GLB1L: variants seen among roughly 807,000 people sequenced by gnomAD.
GLB1L encodes beta-galactosidase-1-like protein.
GLB1L carries 58 observed loss-of-function variants against 75.7 expected under a neutral mutation model. That is an observed-to-expected ratio of 0.77 (90% CI 0.62 to 0.95). GLB1L has a LOEUF of 0.95. Ranked by LOEUF, GLB1L falls within the 40% of genes least tolerant of loss-of-function variation. The probability of loss-of-function intolerance (pLI) is 0.00; values close to 1 mark genes in which losing one functional copy is unlikely to be tolerated. For synonymous variants in GLB1L, 296 were observed against 303.0 expected (o/e 0.98, Z 0.24); for missense variants, 797 against 805.5 (o/e 0.99, Z 0.13).
At chr2:219,241,412 A>ATGTG (rs745647003) in intron 5 of GLB1L, among the ~76,000 whole-genome samples, 1 of 102,578 alleles carries the variant, frequency 9.7e-6, no homozygotes, top group Non-Finnish European at 1.9e-5. Flanking sequence ...ATATATATAT[A>ATGTG]TGTGTGTGTG....
At chr2:219,238,097 C>T (rs1172521476) in intron 14 of GLB1L, 140 bp from the exon 15 acceptor site, 2 of 1,059,640 alleles carry the variant, frequency 1.9e-6, no homozygotes, top group Non-Finnish European at 2.8e-6. Flanking sequence ...GAATTCTATC[C>T]TTAATCAAAC....
At chr2:219,243,008 G>T (rs1019346519) in intron 3 of GLB1L, 90 bp from the exon 4 acceptor site, 1 of 1,573,968 alleles carries the variant, frequency 6.4e-7, no homozygotes, top group South Asian at 1.1e-5. Context: ...TCCAGGAAGC[G>T]GTTGGAAGGA....
chr2:219,241,336 G>A (rs1441014237), intron 5 of GLB1L, among the ~76,000 whole-genome samples: 1 of 150,458 alleles, frequency 6.6e-6, no homozygotes, highest in Non-Finnish European at 1.5e-5. Context: ...CCGAGATTGC[G>A]CCACTGCACT....
intron 9 of GLB1L, 45 bp from the exon 10 acceptor site, chr2:219,239,496 GA>G (rs770989953): frequency 1.9e-5 from 31 of 1,612,826 alleles, no homozygotes; most frequent in Non-Finnish European, 2.4e-5. Context: ...CTGACTCACT[GA>G]ATCTTAACTT....
At position 219,245,266 on chromosome 2, in the gene GLB1L, GC is replaced by G. The variant is rs1951500688; in HGVS notation, c.-109del. ...GAGATGGAGGTCCTGGGGGCCTCGG[GC>G]CGAGCCCGGCTTTGCTCCCCTTTGG... On this transcript the variant is annotated 5_prime_UTR_variant, in exon 1 of 17. Coordinates refer to ENST00000295759, the MANE Select transcript of GLB1L (RefSeq NM_001286423.2). 6.6e-6 allele frequency: 1 copy of G among 152,434 alleles called. No homozygotes were observed. The highest frequency in any genetic ancestry group is 1.5e-5 in the Non-Finnish European group (1 of 68,182). 9.4% of individuals were successfully genotyped at this position (152,434 alleles called of 1,614,324 possible).
At position 219,243,175 on chromosome 2, in the gene GLB1L, C is replaced by T; in HGVS notation, c.212G>A (p.Arg71Gln). ...VLWADRLLKM[R>Q]WSGLNAIQFY... ...CTGTATGGCGTTGAGGCCGCTCCAT[C>T]GCATCTTCAAAAGCCGGTCGGCCCA... The change falls in exon 3 of 17, where the codon CGA becomes CAA. Residue 71 changes from arginine to glutamine, a missense_variant. Coordinates refer to ENST00000295759, the MANE Select transcript of GLB1L (RefSeq NM_001286423.2). The T allele has an allele frequency of 6.2e-7, 1 of 1,612,826 alleles. No individual in the cohort carries two copies. The highest frequency in any genetic ancestry group is 8.5e-7 in the Non-Finnish European group (1 of 1,179,356).
chr2:219,239,088 G>A lies in GLB1L; in HGVS notation c.1062+4C>T, dbSNP rs1359157810. On this transcript the variant is annotated splice_donor_region_variant and intron_variant, in intron 11 of 16. Transcript: ENST00000295759. ...CTTTGGAGCTTAATGAAATGGTAGG[G>A]TACCTTGCTGATGACATCTCGAAGA... 2 of 1,572,676 alleles carry A rather than the reference G, an allele frequency of 1.3e-6. No individual in the cohort carries two copies. Among genetic ancestry groups the A allele is most frequent in the Non-Finnish European group, 1.7e-6 (2 of 1,143,170 alleles).
Position 219,243,538 on chromosome 2 carries a change from C to G in GLB1L, c.36G>C (p.Leu12=), listed in dbSNP as rs1224895195. ...GTAGCGTCAGGCTGAGCGGCAGCAGCAGGGAACGAAGGCAGGACAGCTTCT... is the reference window on the plus strand; with the variant it reads ...GTAGCGTCAGGCTGAGCGGCAGCAGGAGGGAACGAAGGCAGGACAGCTTCT... ...APKKLSCLRS[L]LLPLSLTLLL... Residue 12 remains leucine (L), a synonymous_variant, in exon 2 of 17, where the codon CTG becomes CTC. Transcript: ENST00000295759. 5.6e-6 allele frequency: 9 copies of G among 1,614,108 alleles called. No homozygotes were observed. The highest frequency in any genetic ancestry group is 1.3e-5 in the African/African-American group (1 of 74,944).
intron 11 of GLB1L, 25 bp from the exon 12 acceptor site, chr2:219,238,804 C>T: frequency 6.3e-7 from 1 of 1,592,676 alleles, no homozygotes; most frequent in Non-Finnish European, 8.6e-7. Flanking sequence ...TCTCAGGATC[C>T]ATAGGAAAAC....
In GLB1L at chr2:219,236,863, C is replaced by CA. The variant is rs575634470; in HGVS notation, c.*208dup. Reference sequence around the variant, plus strand: ...CACTGCAACCTCTGCCTCCTGGATTCAAGCAATTCTCCTGCCCTCAGCCTC... The same window carrying CA: ...CACTGCAACCTCTGCCTCCTGGATTCAAAGCAATTCTCCTGCCCTCAGCCTC... On this transcript the variant is annotated 3_prime_UTR_variant, in exon 17 of 17. Coordinates refer to ENST00000295759, the MANE Select transcript of GLB1L (RefSeq NM_001286423.2). 84 of 410,952 alleles carry CA rather than the reference C, an allele frequency of 2.0e-4. 1 individual carries two copies. The South Asian group carries it at 2.5e-3, about 12-fold the overall frequency. The allele number at this position is 410,952 out of a possible 1,614,324, so 25.5% of individuals were successfully genotyped here. A position where few individuals can be genotyped will look rare whatever the true frequency, so the allele number is the denominator to read the frequency against.
intron 11 of GLB1L, 49 bp downstream of exon 11, chr2:219,239,039 CCCTT>C (rs1951322092): frequency 1.6e-6 from 2 of 1,264,134 alleles, no homozygotes; most frequent in Non-Finnish European, 2.3e-6. Flanking sequence ...TGTGGGCACT[CCCTT>C]CCTCCAAATT....
Position 219,243,524 on chromosome 2 carries a change from C to T in GLB1L, c.50G>A (p.Ser17Asn). ...TACCTGGGGCAGCAGTAGCGTCAGGCTGAGCGGCAGCAGCAGGGAACGAAG... is the reference window on the plus strand; with the variant it reads ...TACCTGGGGCAGCAGTAGCGTCAGGTTGAGCGGCAGCAGCAGGGAACGAAG... ...SCLRSLLLPLSLTLLLPQADT... is the reference protein window; with the variant it reads ...SCLRSLLLPLNLTLLLPQADT... Residue 17 changes from serine to asparagine, a missense_variant, in exon 2 of 17, where the codon AGC (serine) becomes AAC (asparagine). Coordinates refer to ENST00000295759, the MANE Select transcript of GLB1L (RefSeq NM_001286423.2). The T allele has an allele frequency of 1.2e-6, 2 of 1,614,250 alleles. No individual in the cohort carries two copies. The highest frequency in any genetic ancestry group is 1.7e-6 in the Non-Finnish European group (2 of 1,180,046).
intron 16 of GLB1L, 65 bp from the exon 17 acceptor site, chr2:219,237,412 C>T (rs1470917783): frequency 1.7e-5 from 27 of 1,598,434 alleles, no homozygotes; most frequent in Non-Finnish European, 2.2e-5. Flanking sequence ...TAGAATCATA[C>T]CCTTTTGGGT....
intron 5 of GLB1L, 36 bp downstream of exon 5, chr2:219,242,478 A>T: frequency 6.6e-7 from 1 of 1,521,062 alleles, no homozygotes; most frequent in Non-Finnish European, 9.1e-7. Flanking sequence ...CATTTTACTT[A>T]CTTGCTTCTG....
Position 219,243,376 on chromosome 2 carries a change from T to C in GLB1L, c.73-62A>G. ...GGAGGGAGCGTCGAGGGTCAGCGCC[T>C]GCCAAGAGCGGAAGAGATGGAACTA... On this transcript the variant is annotated intron_variant, in intron 2 of 16. Coordinates refer to ENST00000295759, the MANE Select transcript of GLB1L (RefSeq NM_001286423.2). 3.1e-6 allele frequency: 5 copies of C among 1,591,446 alleles called. No individual in the cohort carries two copies. In the Admixed American group the frequency reaches 6.8e-5, roughly 22 times the overall value.
intron 2 of GLB1L, 71 bp downstream of exon 2, chr2:219,243,431 G>C: frequency 6.2e-7 from 1 of 1,602,062 alleles, no homozygotes; most frequent in Non-Finnish European, 8.6e-7. Flanking sequence ...TGTTACTTTG[G>C]ACTTTCTCTC....
chr2:219,239,376 TC>T, intron 10 of GLB1L, 34 bp downstream of exon 10: 1 of 1,562,132 alleles, frequency 6.4e-7, no homozygotes, highest in South Asian at 1.2e-5. Context: ...CCTTGTTACC[TC>T]CCTGCTTCTA....
Position 219,241,434 on chromosome 2 carries a change from GTGTGTGTGTATATATATATA to G in GLB1L, c.451+1060_451+1079del, listed in dbSNP as rs1488639929. 8.1e-4 allele frequency among the ~76,000 whole-genome samples: 67 copies of G among 82,978 alleles called. 6 individuals are homozygous for G. Among genetic ancestry groups the G allele is most frequent in the Non-Finnish European group, 1.8e-4 (8 of 43,578 alleles). The allele number at this position is 82,978 out of a possible 152,430, so 54.4% of individuals were successfully genotyped here. A position where few individuals can be genotyped will look rare whatever the true frequency, so the allele number is the denominator to read the frequency against. ...TATATGTGTGTGTGTGTGTGTGTGTGTGTGTGTGTATATATATATATATATATATATACATACATATATAT... is the reference window on the plus strand; with the variant it reads ...TATATGTGTGTGTGTGTGTGTGTGTGTATATATATATACATACATATATAT... On this transcript the variant is annotated intron_variant, in intron 5 of 16. Transcript: ENST00000295759.
chr2:219,245,344 C>A lies in GLB1L; in HGVS notation c.-186G>T, dbSNP rs1574875486. 6.6e-6 allele frequency: 1 copy of A among 152,354 alleles called. No individual in the cohort carries two copies. Among genetic ancestry groups the A allele is most frequent in the South Asian group, 2.1e-4 (1 of 4,874 alleles). 9.4% of individuals were successfully genotyped at this position (152,354 alleles called of 1,614,324 possible). A position where few individuals can be genotyped will look rare whatever the true frequency, so the allele number is the denominator to read the frequency against. On this transcript the variant is annotated 5_prime_UTR_variant, in exon 1 of 17. Transcript: ENST00000295759. ...CCGAAGGCCAAGTAGAGAACCCTCA[C>A]CAGGGTCCTGGGACCCGTCCACCCC...
Sources: allele counts gnomAD v4.1 joint callset (sites outside exome capture counted in the v4.1 genomes callset), GRCh38; gene constraint gnomAD v4.1.1; transcripts MANE v1.5; gene names NCBI Gene and HGNC (gene_info 2026-07-23, HGNC 2026-07-21).